The following FRMD4A variants were observed in gnomAD, a reference collection of about 807,000 sequenced individuals.
FRMD4A encodes the protein FERM domain containing 4A, also known as FERM domain-containing protein 4A.
In FRMD4A, 29 loss-of-function variants were observed where a neutral mutation model predicts 129.1. The ratio of observed to expected loss-of-function variants is 0.22; its 90% CI spans 0.17 to 0.31. FRMD4A has a LOEUF of 0.31. Ranked by LOEUF, FRMD4A falls within the 10% of genes least tolerant of loss-of-function variation. The pLI is 1.00. For synonymous variants in FRMD4A, 634 were observed against 571.6 expected (o/e 1.11, Z -1.56); for missense variants, 1,272 against 1,375.8 (o/e 0.92, Z 1.19).
At chr10:14,024,131 C>G (rs1565192574) in intron 2 of FRMD4A, among the ~76,000 whole-genome samples, 1 of 152,242 alleles carries the variant, frequency 6.6e-6, no homozygotes, top group East Asian at 1.9e-4. Context: ...AAACCCACAT[C>G]TCTACTATTT....
At chr10:13,947,306 A>G (rs1026039613) in intron 2 of FRMD4A, among the ~76,000 whole-genome samples, 18 of 152,194 alleles carry the variant, frequency 1.2e-4, no homozygotes, top group African/African-American at 3.9e-4. Context: ...GACCGCTATC[A>G]TTCCCAATTA....
At chr10:14,327,234 G>A (rs563261621) in intron 2 of FRMD4A, among the ~76,000 whole-genome samples, 9 of 152,350 alleles carry the variant, frequency 5.9e-5, no homozygotes, top group South Asian at 4.1e-4. Context: ...ATGATCATCC[G>A]TGTCAGCTAA....
chr10:14,262,027 C>A (rs1296092830), intron 2 of FRMD4A, among the ~76,000 whole-genome samples: 2 of 152,086 alleles, frequency 1.3e-5, no homozygotes, highest in Non-Finnish European at 2.9e-5. Flanking sequence ...TTCTCTGTCT[C>A]CCTCTCCACC....
chr10:13,752,827 C>T (rs2091690159), intron 8 of FRMD4A, among the ~76,000 whole-genome samples: 1 of 152,180 alleles, frequency 6.6e-6, no homozygotes, highest in Admixed American at 6.5e-5. Context: ...TTTCTTAACC[C>T]ATCTGGCGGC....
At chr10:13,863,241 A>G (rs915411343) in intron 2 of FRMD4A, among the ~76,000 whole-genome samples, 5 of 152,210 alleles carry the variant, frequency 3.3e-5, no homozygotes, top group Admixed American at 6.5e-5. Flanking sequence ...AGAAACATGT[A>G]AACACATTTA....
At chr10:14,180,933 T>G (rs1424440131) in intron 2 of FRMD4A, among the ~76,000 whole-genome samples, 1 of 152,242 alleles carries the variant, frequency 6.6e-6, no homozygotes, top group Non-Finnish European at 1.5e-5. Context: ...TTCCTTAAAA[T>G]TGTGGCACAC....
chr10:13,917,374 C>T (rs1231434526), intron 2 of FRMD4A, among the ~76,000 whole-genome samples: 1 of 150,718 alleles, frequency 6.6e-6, no homozygotes, highest in African/African-American at 2.5e-5. Context: ...ACTGCAACCT[C>T]CACCTCCTGG....
At position 13,904,492 on chromosome 10, in the gene FRMD4A, T is replaced by A. The variant is rs188361065; in HGVS notation, c.46-45580A>T. Among the ~76,000 whole-genome samples, 397 of 152,356 alleles carry A rather than the reference T, an allele frequency of 2.6e-3. 2 individuals carry two copies. Among genetic ancestry groups the A allele is most frequent in the African/African-American group, 9.0e-3 (374 of 41,572 alleles). On this transcript the variant is annotated intron_variant, in intron 2 of 24. Coordinates refer to ENST00000357447, the MANE Select transcript of FRMD4A (RefSeq NM_018027.5). ...TCATCACCACCTTTGCATATGTCTT[T>A]ATACTGCTCTCCGTCAAGAATTCTT...
intron 2 of FRMD4A, among the ~76,000 whole-genome samples, chr10:14,206,806 T>C: frequency 5.7e-3 from 1 of 176 alleles, no homozygotes. Context: ...TGAGACGCTA[T>C]CTCAAAAAAA....
At chr10:14,102,471 T>C (rs574111732) in intron 2 of FRMD4A, among the ~76,000 whole-genome samples, 1 of 152,236 alleles carries the variant, frequency 6.6e-6, no homozygotes, top group South Asian at 2.1e-4. Context: ...ACACATTGAG[T>C]AATTCCCTAC....
At chr10:14,004,615 T>C (rs1293040302) in intron 2 of FRMD4A, among the ~76,000 whole-genome samples, 4 of 152,300 alleles carry the variant, frequency 2.6e-5, no homozygotes, top group South Asian at 4.2e-4. Context: ...ATCTTAAAAA[T>C]GATGCCTATC....
intron 8 of FRMD4A, among the ~76,000 whole-genome samples, chr10:13,754,567 C>CGTGT (rs56304219): frequency 0.013 from 1,901 of 147,976 alleles, 29 homozygotes; most frequent in African/African-American, 0.034. Context: ...ACAATTCTTT[C>CGTGT]GTGTGTGTGT....
chr10:14,053,127 G>A (rs571197204), intron 2 of FRMD4A, among the ~76,000 whole-genome samples: 22 of 152,332 alleles, frequency 1.4e-4, no homozygotes, highest in Non-Finnish European at 2.4e-4. Context: ...GGTTTCTACG[G>A]AGATGGTGGG....
In FRMD4A at chr10:13,847,329, C is replaced by T. The variant is rs1254482013; in HGVS notation, c.111+11518G>A. Among the ~76,000 whole-genome samples the T allele has an allele frequency of 4.6e-5, 7 of 152,264 alleles. 1 individual carries two copies. In the Middle Eastern group the frequency reaches 0.01, roughly 222 times the overall value. On this transcript the variant is annotated intron_variant, in intron 3 of 24. Coordinates refer to ENST00000357447, the MANE Select transcript of FRMD4A (RefSeq NM_018027.5). ...AACTCTCAGCTCTGTGCTGGGCAAG[C>T]CAGGAAGCCACAAACAGAGATTCAA...
At chr10:14,051,702 G>A (rs531089390) in intron 2 of FRMD4A, among the ~76,000 whole-genome samples, 1 of 152,332 alleles carries the variant, frequency 6.6e-6, no homozygotes, top group South Asian at 2.1e-4. Flanking sequence ...TGAGACTGCA[G>A]TTCTAGTGTC....
chr10:13,980,651 G>C (rs542801052), intron 2 of FRMD4A, among the ~76,000 whole-genome samples: 1 of 152,278 alleles, frequency 6.6e-6, no homozygotes, highest in Non-Finnish European at 1.5e-5. Flanking sequence ...CCCTGGGAGT[G>C]AGAGGCTACA....
chr10:14,137,172 C>G (rs1466822717), intron 2 of FRMD4A, among the ~76,000 whole-genome samples: 1 of 152,242 alleles, frequency 6.6e-6, no homozygotes, highest in Non-Finnish European at 1.5e-5. Flanking sequence ...CTCACTTCAG[C>G]TTTGCCTCCC....
intron 2 of FRMD4A, among the ~76,000 whole-genome samples, chr10:14,214,707 G>A (rs976391157): frequency 6.6e-6 from 1 of 152,114 alleles, no homozygotes; most frequent in African/African-American, 2.4e-5. Context: ...ATAATCTTGT[G>A]TTTGATATAT....
intron 17 of FRMD4A, among the ~76,000 whole-genome samples, chr10:13,669,350 G>A (rs1214215416): frequency 1.3e-5 from 2 of 152,258 alleles, no homozygotes; most frequent in South Asian, 2.1e-4. Context: ...AGCGAAAGGC[G>A]TGGGCCACCA....
Sources: gnomAD v4.1 joint callset for allele counts (sites outside exome capture counted in the v4.1 genomes callset) on GRCh38, gnomAD v4.1.1 for gene constraint, MANE v1.5 for transcripts, NCBI Gene and HGNC (gene_info 2026-07-23, HGNC 2026-07-21) for gene names.